Variants in TCF7L2 observed in about 807,000 individuals in gnomAD.
TCF7L2 encodes transcription factor 7 like 2.
Under a neutral mutation model 77.9 loss-of-function variants are expected in TCF7L2, and 23 were observed. That is an observed-to-expected ratio of 0.30 (90% confidence interval 0.21 to 0.42). The LOEUF is 0.42. Ranked by LOEUF, TCF7L2 falls within the 10% of genes least tolerant of loss-of-function variation. The probability of loss-of-function intolerance (pLI) is 1.00; values close to 1 mark genes in which losing one functional copy is unlikely to be tolerated. For missense variants in TCF7L2, 654 were observed against 793.1 expected (o/e 0.82, Z 2.11); for synonymous variants, 413 against 340.2 (o/e 1.21, Z -2.36).
intron 3 of TCF7L2, among the ~76,000 whole-genome samples, chr10:112,959,585 CA>C (rs1233319869): frequency 6.6e-6 from 1 of 152,142 alleles, no homozygotes; most frequent in Non-Finnish European, 1.5e-5. Flanking sequence ...AGGGATGGTA[CA>C]AATGTTCAGT....
At chr10:113,026,936 AGCTTCG>A (rs2049290472) in intron 4 of TCF7L2, among the ~76,000 whole-genome samples, 1 of 152,208 alleles carries the variant, frequency 6.6e-6, no homozygotes, top group South Asian at 2.1e-4. Context: ...CTAAGTGGTT[AGCTTCG>A]GATCATTATT....
intron 4 of TCF7L2, among the ~76,000 whole-genome samples, chr10:113,011,770 C>T (rs922630232): frequency 4.0e-5 from 6 of 150,306 alleles, no homozygotes; most frequent in Non-Finnish European, 7.4e-5. Flanking sequence ...CCTTGAGTAT[C>T]GCTGTTGAGT....
At position 113,040,086 on chromosome 10, in the gene TCF7L2, C is replaced by A. The variant is rs2052166936; in HGVS notation, c.512C>A (p.Ala171Asp). ...GCAGGGAGCCTCCAGAGTAGACAAG[C>A]CCTCAAGGATGCCCGGTCCCCATCA... Residue 171 changes from alanine to aspartate, a missense_variant, in exon 5 of 14, where the codon GCC becomes GAC. Physicochemically the swap from Ala to Asp is moderately radical, Grantham distance 126. Transcript: ENST00000627217. The A allele has an allele frequency of 6.2e-7, 1 of 1,613,956 alleles. No individual in the cohort carries two copies. The highest frequency in any genetic ancestry group is 1.3e-5 in the African/African-American group (1 of 74,996).
At chr10:113,079,860 G>A (rs139707005) in intron 5 of TCF7L2, among the ~76,000 whole-genome samples, 3,350 of 152,132 alleles carry the variant, frequency 0.022, 125 homozygotes, top group African/African-American at 0.075. Flanking sequence ...GTTTCACCAT[G>A]TTGGCCAGGC....
intron 5 of TCF7L2, among the ~76,000 whole-genome samples, chr10:113,119,380 A>AT (rs773833064): frequency 1.3e-5 from 2 of 152,162 alleles, no homozygotes; most frequent in African/African-American, 2.4e-5. Context: ...AACAATGCTT[A>AT]TTTTTTATGC....
intron 4 of TCF7L2, among the ~76,000 whole-genome samples, chr10:113,017,492 TAA>T (rs2047542983): frequency 6.6e-6 from 1 of 152,254 alleles, no homozygotes. Context: ...GAGACATCTT[TAA>T]ATACAAATTC....
intron 5 of TCF7L2, among the ~76,000 whole-genome samples, chr10:113,121,523 A>T (rs2064770037): frequency 6.6e-6 from 1 of 152,190 alleles, no homozygotes; most frequent in Admixed American, 6.5e-5. Context: ...GTCACAATCA[A>T]GTGTTGACTT....
intron 5 of TCF7L2, among the ~76,000 whole-genome samples, chr10:113,072,450 G>T (rs1293696364): frequency 6.6e-6 from 1 of 151,742 alleles, no homozygotes. Context: ...CGCCTCCCGG[G>T]TTCAAGCGAT....
intron 4 of TCF7L2, among the ~76,000 whole-genome samples, chr10:112,990,975 A>G (rs2042431250): frequency 6.6e-6 from 1 of 152,120 alleles, no homozygotes; most frequent in Non-Finnish European, 1.5e-5. Flanking sequence ...CCAGCTCAGG[A>G]CTGCCTCTCT....
chr10:113,001,400 G>T (rs555800041), intron 4 of TCF7L2, among the ~76,000 whole-genome samples: 3 of 152,234 alleles, frequency 2.0e-5, no homozygotes, highest in Non-Finnish European at 4.4e-5. Context: ...CAGCCAGCCA[G>T]CTCCGAGTTC....
At chr10:113,067,006 T>C (rs2057347331) in intron 5 of TCF7L2, among the ~76,000 whole-genome samples, 1 of 152,264 alleles carries the variant, frequency 6.6e-6, no homozygotes, top group South Asian at 2.1e-4. Context: ...AATATACTGC[T>C]GTTCTTGTGT....
chr10:113,137,440 T>C (rs909945669), intron 5 of TCF7L2, among the ~76,000 whole-genome samples: 1 of 152,226 alleles, frequency 6.6e-6, no homozygotes, highest in African/African-American at 2.4e-5. Context: ...GACACGATTC[T>C]CATCCAGAGT....
rs1186686620 is a variant in TCF7L2, at chr10:113,157,988, C to T, written c.1270-33C>T. 3.8e-6 allele frequency: 6 copies of T among 1,564,340 alleles called. No individual in the cohort carries two copies. The South Asian group carries it at 4.7e-5, about 12-fold the overall frequency. The stretch of plus-strand genomic sequence containing the variant: ...ACACTCTTCTCACATCTGTTTCTTG[C>T]AGTAATTCCCTGTGTTTCATCTCTT... On this transcript the variant is annotated intron_variant, in intron 11 of 13. Transcript: ENST00000627217.
intron 5 of TCF7L2, among the ~76,000 whole-genome samples, chr10:113,116,456 T>G (rs2063745771): frequency 1.3e-5 from 2 of 152,238 alleles, no homozygotes; most frequent in African/African-American, 4.8e-5. Flanking sequence ...ATATGTAGTC[T>G]CTGTTAAAAG....
intron 6 of TCF7L2, among the ~76,000 whole-genome samples, chr10:113,141,997 T>TTTG (rs529175664): frequency 0.016 from 2,399 of 152,138 alleles, 28 homozygotes; most frequent in Non-Finnish European, 0.022. Flanking sequence ...TCAACGTCTT[T>TTTG]TTGTTGTTGT....
Position 113,015,986 on chromosome 10 carries a change from G to A in TCF7L2, c.451-24039G>A, listed in dbSNP as rs535203773. 5.9e-5 allele frequency among the ~76,000 whole-genome samples: 9 copies of A among 152,126 alleles called. No individual in the cohort carries two copies. In the South Asian group the frequency reaches 1.9e-3, roughly 32 times the overall value. On this transcript the variant is annotated intron_variant, in intron 4 of 13. Coordinates refer to ENST00000627217, the MANE Select transcript of TCF7L2 (RefSeq NM_001146274.2). The stretch of plus-strand genomic sequence containing the variant: ...GGTCTGGGGTTAAGACCATCTGCCT[G>A]AGGGTAACGCAGTAATAAATCAGTA...
In TCF7L2 at chr10:113,026,045, A is replaced by G. The variant is rs1174722980; in HGVS notation, c.451-13980A>G. Among the ~76,000 whole-genome samples, 15 of 151,042 alleles carry G rather than the reference A, an allele frequency of 9.9e-5. No homozygotes were observed. In the East Asian group the frequency reaches 2.9e-3, roughly 30 times the overall value. On this transcript the variant is annotated intron_variant, in intron 4 of 13. Transcript: ENST00000627217. ...AGACATGTGCCACCACGCCTGGCTAATTTTTGTATTTTTATTAGAGATGGT... is the reference window on the plus strand; with the variant it reads ...AGACATGTGCCACCACGCCTGGCTAGTTTTTGTATTTTTATTAGAGATGGT...
chr10:113,059,176 G>GT (rs1458538093), intron 5 of TCF7L2, among the ~76,000 whole-genome samples: 1 of 152,150 alleles, frequency 6.6e-6, no homozygotes, highest in Non-Finnish European at 1.5e-5. Context: ...TGAAGTTTGG[G>GT]TTTTTTCGGA....
intron 5 of TCF7L2, among the ~76,000 whole-genome samples, chr10:113,092,175 G>A (rs543854742): frequency 6.6e-6 from 1 of 152,260 alleles, no homozygotes; most frequent in South Asian, 2.1e-4. Context: ...GATCCCTGGC[G>A]CCAGTGACTG....
Sources: gnomAD v4.1 joint callset for allele counts (sites outside exome capture counted in the v4.1 genomes callset) on GRCh38, gnomAD v4.1.1 for gene constraint, MANE v1.5 for transcripts, NCBI Gene and HGNC (gene_info 2026-07-23, HGNC 2026-07-21) for gene names.